The following CPNE3 variants were observed in gnomAD, a reference collection of about 807,000 sequenced individuals.
CPNE3 encodes copine 3.
Under a neutral mutation model 63.9 loss-of-function variants are expected in CPNE3, and 68 were observed. That is an observed-to-expected ratio of 1.06 (90% CI 0.87 to 1.30). CPNE3 has a LOEUF of 1.30. Ranked by LOEUF, CPNE3 falls within the 50% of genes most tolerant of loss-of-function variation. CPNE3 has a pLI of 0.00. For synonymous variants in CPNE3, 219 were observed against 197.5 expected (o/e 1.11, Z -0.91); for missense variants, 665 against 578.1 (o/e 1.15, Z -1.54).
chr8:86,556,032 C>A, intron 15 of CPNE3, 70 bp from the exon 16 acceptor site: 1 of 800,168 alleles, frequency 1.2e-6, no homozygotes, highest in South Asian at 1.4e-5. Context: ...GACTGGATGA[C>A]TCATCAAGCC....
chr8:86,532,401 A>G (rs1190801370), intron 5 of CPNE3, 108 bp from the exon 6 acceptor site: 1 of 656,240 alleles, frequency 1.5e-6, no homozygotes, highest in Admixed American at 3.1e-5. Flanking sequence ...TTTAGAATTC[A>G]TTTATATTAG....
intron 2 of CPNE3, among the ~76,000 whole-genome samples, chr8:86,526,171 T>A (rs1382920570): frequency 6.6e-6 from 1 of 151,458 alleles, no homozygotes; most frequent in Non-Finnish European, 1.5e-5. Flanking sequence ...GAGGCTACAG[T>A]GAGCTGAGAT....
At chr8:86,527,911 C>A (rs58239772) in intron 2 of CPNE3, among the ~76,000 whole-genome samples, 1 of 128,174 alleles carries the variant, frequency 7.8e-6, no homozygotes, top group Non-Finnish European at 1.6e-5. Context: ...TGGAGTTTTT[C>A]TGAATGATAA....
In CPNE3 at chr8:86,540,295, T is replaced by A; in HGVS notation, c.594T>A (p.Leu198=). ...NPVWRPFKIS[L]NSLCYGDMDK... ...TTTGGAGGCCTTTCAAGATCTCTCT[T>A]AACTCACTGTGTTACGGAGATATGG... The change falls in exon 8 of 17, where the codon CTT becomes CTA. Residue 198 remains leucine, a synonymous_variant. Transcript: ENST00000517490. 1 of 1,602,894 alleles carries A rather than the reference T, an allele frequency of 6.2e-7. No individual in the cohort carries two copies. Among genetic ancestry groups the A allele is most frequent in the Non-Finnish European group, 8.5e-7 (1 of 1,175,226 alleles).
chr8:86,546,644 A>G lies in CPNE3; in HGVS notation c.782A>G (p.Tyr261Cys), dbSNP rs747051258. 2.3e-5 allele frequency: 37 copies of G among 1,613,698 alleles called. No individual in the cohort carries two copies. Among genetic ancestry groups the G allele is most frequent in the Non-Finnish European group, 3.1e-5 (36 of 1,179,938 alleles). Reference protein sequence around the residue: ...NEKKRQKKKSYKNSGVISVKQ... With the variant: ...NEKKRQKKKSCKNSGVISVKQ... ...AAAAAAAGGCAAAAGAAAAAAAGCT[A>G]CAAGAATTCAGGTGTTATCAGTGTG... Residue 261 changes from tyrosine to cysteine, a missense_variant, in exon 10 of 17, where the codon TAC becomes TGC. By Grantham distance (194) the Tyr-to-Cys change is radical. Transcript: ENST00000517490.
At chr8:86,555,885 C>T (rs1325682946) in intron 15 of CPNE3, among the ~76,000 whole-genome samples, 1 of 152,162 alleles carries the variant, frequency 6.6e-6, no homozygotes, top group Non-Finnish European at 1.5e-5. Context: ...ATTTTGCCAA[C>T]CCTATTTTGT....
intron 9 of CPNE3, among the ~76,000 whole-genome samples, chr8:86,546,144 A>G (rs1214718569): frequency 1.3e-5 from 2 of 152,062 alleles, no homozygotes; most frequent in African/African-American, 4.8e-5. Context: ...GTTGGGCTTC[A>G]TATATTTGTT....
chr8:86,516,921 T>A (rs1346093325), intron 2 of CPNE3, among the ~76,000 whole-genome samples: 1 of 152,248 alleles, frequency 6.6e-6, no homozygotes, highest in Admixed American at 6.5e-5. Context: ...CAAAGATTCA[T>A]AATGCCACCA....
At chr8:86,548,671 A>G (rs114340066) in intron 12 of CPNE3, among the ~76,000 whole-genome samples, 190 of 152,168 alleles carry the variant, frequency 1.2e-3, no homozygotes, top group African/African-American at 4.4e-3. Flanking sequence ...TTTATATTAC[A>G]TATAGTTTGC....
At chr8:86,551,149 C>T (rs752554463) in intron 13 of CPNE3, 34 bp from the exon 14 acceptor site, 2 of 1,613,300 alleles carry the variant, frequency 1.2e-6, no homozygotes, top group Non-Finnish European at 1.7e-6. Context: ...AAAAGCAGCC[C>T]AGCCCTCATC....
chr8:86,531,281 A>G (rs944449299), intron 5 of CPNE3, 52 bp downstream of exon 5: 8 of 839,590 alleles, frequency 9.5e-6, no homozygotes, highest in Non-Finnish European at 1.5e-5. Context: ...ATAACAGGAC[A>G]TGCCGAAACT....
At chr8:86,558,250 G>C (rs772259492) in intron 16 of CPNE3, 38 bp from the exon 17 acceptor site, 1 of 872,150 alleles carries the variant, frequency 1.1e-6, no homozygotes, top group Admixed American at 1.7e-5. Context: ...GGAAAATTCA[G>C]TTGCTAATAA....
intron 12 of CPNE3, among the ~76,000 whole-genome samples, chr8:86,550,110 T>C (rs576536322): frequency 3.3e-4 from 50 of 152,348 alleles, no homozygotes; most frequent in African/African-American, 1.2e-3. Flanking sequence ...TATAATCTTG[T>C]AGTGAGGAAA....
rs931835779 is a variant in CPNE3, at chr8:86,537,658, A to G, written c.543+12A>G. On this transcript the variant is annotated intron_variant, in intron 7 of 16. Transcript: ENST00000517490. ...TTCATCGGACAGAGGTGAATATTTG[A>G]ATTTGAAAAGCAGAGTGGAGGTGTT... is the stretch of plus-strand genomic sequence containing the variant. 8 of 1,509,888 alleles carry G rather than the reference A, an allele frequency of 5.3e-6. No homozygotes were observed. The highest frequency in any genetic ancestry group is 4.1e-5 in the African/African-American group (3 of 72,794). 93.5% of individuals were successfully genotyped at this position (1,509,888 alleles called of 1,614,324 possible). A position where few individuals can be genotyped will look rare whatever the true frequency, so the allele number is the denominator to read the frequency against.
chr8:86,537,574 A>C lies in CPNE3; in HGVS notation c.471A>C (p.Gly157=). The C allele has an allele frequency of 1.2e-6, 2 of 1,601,644 alleles. No individual in the cohort carries two copies. Among genetic ancestry groups the C allele is most frequent in the Non-Finnish European group, 1.7e-6 (2 of 1,168,812 alleles). ...ARKLDNKDLF[G]KSDPYLEFHK... is the part of the protein sequence containing the mutation. ...TGTTTTAAATGTAGGATCTATTTGG[A>C]AAGTCAGACCCATACCTGGAATTCC... The change falls in exon 7 of 17, where the codon GGA becomes GGC. Residue 157 remains glycine, a synonymous_variant. Coordinates refer to ENST00000517490, the MANE Select transcript of CPNE3 (RefSeq NM_003909.5).
intron 6 of CPNE3, among the ~76,000 whole-genome samples, chr8:86,533,742 G>T (rs1191825413): frequency 1.3e-5 from 2 of 151,906 alleles, no homozygotes; most frequent in Admixed American, 1.3e-4. Flanking sequence ...TCTCCTCCCA[G>T]ACTTCATATC....
chr8:86,516,686 G>T (rs371025945), intron 2 of CPNE3, among the ~76,000 whole-genome samples: 1 of 152,030 alleles, frequency 6.6e-6, no homozygotes, highest in African/African-American at 2.4e-5. Context: ...CACCACACCC[G>T]GCCCTATCAA....
intron 8 of CPNE3, among the ~76,000 whole-genome samples, chr8:86,542,553 G>A (rs1359849698): frequency 6.6e-6 from 1 of 151,346 alleles, no homozygotes; most frequent in East Asian, 1.9e-4. Flanking sequence ...ATATGCATGT[G>A]TATATGTATA....
At chr8:86,522,649 T>G (rs113511978) in intron 2 of CPNE3, among the ~76,000 whole-genome samples, 83 of 150,386 alleles carry the variant, frequency 5.5e-4, no homozygotes, top group Middle Eastern at 3.4e-3. Flanking sequence ...GTTTTGCTGA[T>G]GTTGCTGGGC....
Sources: gnomAD v4.1 joint callset for allele counts (sites outside exome capture counted in the v4.1 genomes callset) on GRCh38, gnomAD v4.1.1 for gene constraint, MANE v1.5 for transcripts, NCBI Gene and HGNC (gene_info 2026-07-23, HGNC 2026-07-21) for gene names.